Variants in NALCN observed in about 807,000 individuals in gnomAD.
NALCN encodes sodium leak channel NALCN.
In NALCN, 111 loss-of-function variants were observed where a neutral mutation model predicts 225.3. The ratio of observed to expected loss-of-function variants is 0.49; its 90% CI spans 0.42 to 0.58. The LOEUF is 0.58. NALCN is among the 20% of genes least tolerant of loss of function. The pLI is 0.00. For missense variants in NALCN, 1,378 were observed against 2,202.4 expected (o/e 0.63, Z 7.49); for synonymous variants, 764 against 769.0 (o/e 0.99, Z 0.11).
At chr13:101,192,082 A>G in intron 13 of NALCN, 28 bp from the exon 14 acceptor site, 1 of 1,578,594 alleles carries the variant, frequency 6.3e-7, no homozygotes, top group Non-Finnish European at 8.5e-7. Flanking sequence ...AAGGTATTAC[A>G]CACTAGCTTT....
intron 10 of NALCN, among the ~76,000 whole-genome samples, chr13:101,281,820 G>C (rs1296452629): frequency 1.3e-5 from 2 of 151,968 alleles, no homozygotes; most frequent in East Asian, 3.9e-4. Flanking sequence ...AACACAAAAT[G>C]CAAATAATCT....
At chr13:101,103,995 G>C (rs543986469) in intron 25 of NALCN, among the ~76,000 whole-genome samples, 2 of 152,082 alleles carry the variant, frequency 1.3e-5, no homozygotes, top group Non-Finnish European at 2.9e-5. Context: ...CATAAGGTTT[G>C]TGGGATGCAA....
intron 10 of NALCN, among the ~76,000 whole-genome samples, chr13:101,279,630 A>C (rs910288772): frequency 1.0e-4 from 15 of 149,388 alleles, no homozygotes; most frequent in Non-Finnish European, 1.8e-4. Flanking sequence ...TCCCGGCTAA[A>C]ACGGTGAAAC....
intron 22 of NALCN, among the ~76,000 whole-genome samples, chr13:101,106,150 G>A (rs1023913435): frequency 1.3e-5 from 2 of 152,088 alleles, no homozygotes. Context: ...TTCTCCCTAC[G>A]TGTCTTCGCA....
At chr13:101,234,053 C>T (rs1353489250) in intron 12 of NALCN, among the ~76,000 whole-genome samples, 2 of 152,188 alleles carry the variant, frequency 1.3e-5, no homozygotes, top group African/African-American at 4.8e-5. Context: ...CATTCAGTCT[C>T]TGCTCAAACC....
intron 11 of NALCN, among the ~76,000 whole-genome samples, chr13:101,246,066 C>T (rs9518359): frequency 0.28 from 41,930 of 152,034 alleles, 6,930 homozygotes; most frequent in Non-Finnish European, 0.38. Context: ...TGTACTTTCA[C>T]TTTCAATAAA....
rs531030505 is a variant in NALCN, at chr13:101,081,442, A to C, written c.3885+85T>G. Reference sequence around the variant, plus strand: ...AACACCTCAGAGCAGGTTGATGTGGAGTAAAATGAGACTGGAAACAGGACT... The same window carrying C: ...AACACCTCAGAGCAGGTTGATGTGGCGTAAAATGAGACTGGAAACAGGACT... On this transcript the variant is annotated intron_variant, in intron 34 of 43. Coordinates refer to ENST00000251127, the MANE Select transcript of NALCN (RefSeq NM_052867.4). 6.7e-5 allele frequency: 106 copies of C among 1,584,830 alleles called. 1 individual carries two copies. Among genetic ancestry groups the C allele is most frequent in the South Asian group, 5.8e-4 (50 of 86,476 alleles).
chr13:101,176,865 C>G (rs2038978994), intron 14 of NALCN, among the ~76,000 whole-genome samples: 1 of 152,192 alleles, frequency 6.6e-6, no homozygotes, highest in African/African-American at 2.4e-5. Flanking sequence ...TCAAGATGGC[C>G]TCCAGCGTTG....
intron 7 of NALCN, among the ~76,000 whole-genome samples, chr13:101,332,086 G>T (rs190024074): frequency 1.1e-4 from 17 of 152,242 alleles, no homozygotes; most frequent in Admixed American, 5.2e-4. Context: ...AGGGAAGTTA[G>T]AAAGCACGAT....
chr13:101,400,594 C>T (rs72654887), intron 1 of NALCN, among the ~76,000 whole-genome samples: 14 of 147,658 alleles, frequency 9.5e-5, no homozygotes, highest in Non-Finnish European at 1.5e-4. Context: ...CGTGTGTGCG[C>T]GCGCACACAG....
intron 11 of NALCN, among the ~76,000 whole-genome samples, chr13:101,256,407 A>G (rs891460945): frequency 2.0e-5 from 3 of 151,934 alleles, no homozygotes; most frequent in Admixed American, 2.0e-4. Flanking sequence ...AGTTCCCCTA[A>G]CCTGAAAAAA....
intron 7 of NALCN, among the ~76,000 whole-genome samples, chr13:101,319,208 T>C (rs1180377246): frequency 1.3e-5 from 2 of 152,196 alleles, no homozygotes; most frequent in Non-Finnish European, 2.9e-5. Flanking sequence ...AGAAACTCTT[T>C]CCTCTGTTGG....
intron 7 of NALCN, among the ~76,000 whole-genome samples, chr13:101,294,896 T>C (rs2043685118): frequency 6.6e-6 from 1 of 152,150 alleles, no homozygotes; most frequent in South Asian, 2.1e-4. Flanking sequence ...TAATCAGCAG[T>C]AACAGTTGCA....
intron 26 of NALCN, among the ~76,000 whole-genome samples, 165 bp downstream of exon 26, chr13:101,103,007 G>A (rs1275616235): frequency 1.3e-5 from 2 of 152,196 alleles, no homozygotes; most frequent in Non-Finnish European, 2.9e-5. Context: ...GTGCCCATGA[G>A]TAAAGTGTTT....
Position 101,397,121 on chromosome 13 carries a change from C to T in NALCN, c.109-1756G>A, listed in dbSNP as rs200499297. 1.2e-3 allele frequency among the ~76,000 whole-genome samples: 129 copies of T among 108,854 alleles called. 1 individual carries two copies. Among genetic ancestry groups the T allele is most frequent in the Non-Finnish European group, 1.4e-3 (74 of 52,222 alleles). The allele number at this position is 108,854 out of a possible 152,430, so 71.4% of individuals were successfully genotyped here. On this transcript the variant is annotated intron_variant, in intron 2 of 43. Transcript: ENST00000251127. ...ATATATATATATATACATACACATACATATATATAATGTGTGCATATACAC... is the reference window on the plus strand; with the variant it reads ...ATATATATATATATACATACACATATATATATATAATGTGTGCATATACAC...
intron 10 of NALCN, among the ~76,000 whole-genome samples, chr13:101,271,546 T>C (rs1470206552): frequency 3.3e-5 from 5 of 152,146 alleles, no homozygotes; most frequent in African/African-American, 4.8e-5. Context: ...TACAAACTTT[T>C]CCTCCAAGCA....
chr13:101,227,092 T>C lies in NALCN; in HGVS notation c.1626+2301A>G, dbSNP rs557380735. ...CTACCTTTGCCTCCTGCCTGTACTG[T>C]TGCAGTGAGGGAACAAAGTCTTGAT... On this transcript the variant is annotated intron_variant, in intron 13 of 43. Coordinates refer to ENST00000251127, the MANE Select transcript of NALCN (RefSeq NM_052867.4). Among the ~76,000 whole-genome samples, 3 of 152,296 alleles carry C rather than the reference T, an allele frequency of 2.0e-5. No homozygotes were observed. The East Asian group carries it at 5.8e-4, about 29-fold the overall frequency.
At chr13:101,142,730 T>C (rs2037148397) in intron 17 of NALCN, 3 of 301,780 alleles carry the variant, frequency 9.9e-6, no homozygotes, top group Non-Finnish European at 1.9e-5. Context: ...TAAGTAGACA[T>C]AAGCAGTTGT....
rs2044359842 is a variant in NALCN, at chr13:101,311,870, C to A, written c.800-19504G>T. Among the ~76,000 whole-genome samples the A allele has an allele frequency of 2.6e-5, 4 of 152,088 alleles. No homozygotes were observed. The South Asian group carries it at 8.3e-4, about 32-fold the overall frequency. On this transcript the variant is annotated intron_variant, in intron 7 of 43. Transcript: ENST00000251127. ...GCTTTGGTATCAGGATGATGCTGGC[C>A]TCATAAAATGAGTTAGGGAGGATTC...
Sources: gnomAD v4.1 joint callset for allele counts (sites outside exome capture counted in the v4.1 genomes callset) on GRCh38, gnomAD v4.1.1 for gene constraint, MANE v1.5 for transcripts, NCBI Gene and HGNC (gene_info 2026-07-23, HGNC 2026-07-21) for gene names.